The following TPP2 variants were observed in gnomAD, a reference collection of about 807,000 sequenced individuals.
TPP2 encodes tripeptidyl-peptidase 2.
A neutral mutation model predicts 155.9 loss-of-function variants in TPP2; 34 were observed. The ratio of observed to expected loss-of-function variants is 0.22; its 90% CI spans 0.17 to 0.29. The LOEUF (loss-of-function observed/expected upper bound fraction) is 0.29, where lower values mean the gene tolerates loss of function less well. TPP2 is among the 10% of genes least tolerant of loss of function. The probability of loss-of-function intolerance (pLI) is 1.00; values close to 1 mark genes in which losing one functional copy is unlikely to be tolerated. For synonymous variants in TPP2, 510 were observed against 529.4 expected (o/e 0.96, Z 0.50); for missense variants, 1,028 against 1,522.3 (o/e 0.68, Z 5.40).
chr13:102,606,404 G>A (rs1387260356), intron 2 of TPP2, among the ~76,000 whole-genome samples: 1 of 152,084 alleles, frequency 6.6e-6, no homozygotes, highest in African/African-American at 2.4e-5. Flanking sequence ...GCTTTTTGTG[G>A]GTCTCTGCTC....
Position 102,663,726 on chromosome 13 carries a change from T to C in TPP2, c.3222T>C (p.His1074=), listed in dbSNP as rs147337260. Residue 1074 remains histidine, a synonymous_variant, in exon 26 of 30, where the codon CAT becomes CAC. Coordinates refer to ENST00000376052, the MANE Select transcript of TPP2 (RefSeq NM_001330588.2). ...NYLPLYVARL[H]QLDAEKERMK... ...TTCCTCTGTACGTTGCACGACTTCATCAATTGGATGCTGAAAAGGTTAGAC... is the reference window on the plus strand; with the variant it reads ...TTCCTCTGTACGTTGCACGACTTCACCAATTGGATGCTGAAAAGGTTAGAC... 9.1e-5 allele frequency: 145 copies of C among 1,602,032 alleles called. No homozygotes were observed. The African/African-American group carries it at 1.8e-3, about 19-fold the overall frequency.
intron 11 of TPP2, 37 bp from the exon 12 acceptor site, chr13:102,635,550 G>C: frequency 6.6e-7 from 1 of 1,507,224 alleles, no homozygotes; most frequent in Non-Finnish European, 9.2e-7. Context: ...TTCAGATAGT[G>C]AGTGCTACAC....
At chr13:102,670,888 T>C (rs967490891) in intron 27 of TPP2, among the ~76,000 whole-genome samples, 1 of 152,224 alleles carries the variant, frequency 6.6e-6, no homozygotes. Flanking sequence ...GGTGCTATGA[T>C]TAAACCTCTT....
chr13:102,597,673 T>C (rs753829814), intron 1 of TPP2, among the ~76,000 whole-genome samples: 3 of 149,042 alleles, frequency 2.0e-5, no homozygotes, highest in South Asian at 2.1e-4. Context: ...GCTTTTATCA[T>C]TGGGGTGGGG....
intron 16 of TPP2, among the ~76,000 whole-genome samples, chr13:102,641,596 C>G (rs1377302040): frequency 6.6e-6 from 1 of 151,894 alleles, no homozygotes; most frequent in African/African-American, 2.4e-5. Context: ...GTATTTGGTT[C>G]CCCATACCAT....
At chr13:102,654,965 C>G in intron 24 of TPP2, 1 of 505,450 alleles carries the variant, frequency 2.0e-6, no homozygotes, top group Non-Finnish European at 3.9e-6. Flanking sequence ...AAGAGCTAGC[C>G]CAAGCAATAG....
chr13:102,648,431 TG>T (rs1883275777), intron 21 of TPP2, among the ~76,000 whole-genome samples: 1 of 36,134 alleles, frequency 2.8e-5, no homozygotes, highest in African/African-American at 1.7e-4. Flanking sequence ...AAGTTACACG[TG>T]TGTGTGTGTG....
intron 25 of TPP2, among the ~76,000 whole-genome samples, chr13:102,662,612 A>G (rs1029326639): frequency 3.9e-5 from 6 of 152,182 alleles, no homozygotes; most frequent in African/African-American, 1.2e-4. Context: ...GAAAAACAGG[A>G]CTTAATTTTT....
intron 10 of TPP2, among the ~76,000 whole-genome samples, chr13:102,630,890 A>G (rs560181713): frequency 6.6e-6 from 1 of 152,360 alleles, no homozygotes; most frequent in South Asian, 2.1e-4. Flanking sequence ...TTAGTTCAGC[A>G]AATACCTTAG....
At chr13:102,611,318 C>T (rs1880297786) in intron 2 of TPP2, among the ~76,000 whole-genome samples, 1 of 152,116 alleles carries the variant, frequency 6.6e-6, no homozygotes, top group Non-Finnish European at 1.5e-5. Context: ...ACAGTTTTTC[C>T]AAGTGCGTGT....
Position 102,597,215 on chromosome 13 carries a change from C to T in TPP2, c.165+12C>T. On this transcript the variant is annotated intron_variant, in intron 1 of 29. Transcript: ENST00000376052. ...CTCCGGGCATGCAGGTGAGGCGGCC[C>T]CCGAGGGCCCGGGCGCGGGGGCGCG... 7.3e-7 allele frequency: 1 copy of T among 1,371,638 alleles called. No homozygotes were observed. The highest frequency in any genetic ancestry group is 9.4e-7 in the Non-Finnish European group (1 of 1,059,184). The allele number at this position is 1,371,638 out of a possible 1,614,324, so 85.0% of individuals were successfully genotyped here.
chr13:102,674,576 A>G (rs1885183845), intron 28 of TPP2, 86 bp downstream of exon 28: 4 of 1,351,638 alleles, frequency 3.0e-6, no homozygotes, highest in Non-Finnish European at 4.1e-6. Context: ...TAAAAGAGGA[A>G]GAAGATAAAT....
At chr13:102,638,162 G>C (rs1316613515) in intron 14 of TPP2, 77 bp from the exon 15 acceptor site, 2 of 1,323,834 alleles carry the variant, frequency 1.5e-6, no homozygotes, top group African/African-American at 1.5e-5. Flanking sequence ...GATTTATTCT[G>C]TCAGTAGTTT....
chr13:102,598,066 A>G (rs898227126), intron 1 of TPP2, among the ~76,000 whole-genome samples: 2 of 152,214 alleles, frequency 1.3e-5, no homozygotes, highest in African/African-American at 4.8e-5. Context: ...CTGTAGATTC[A>G]AGGTATCATA....
chr13:102,676,544 G>C, intron 29 of TPP2, 129 bp downstream of exon 29: 2 of 1,112,702 alleles, frequency 1.8e-6, no homozygotes, highest in Non-Finnish European at 2.6e-6. Flanking sequence ...ACAGTAATTA[G>C]CGTAATATGA....
chr13:102,610,890 C>T (rs141218108), intron 2 of TPP2, among the ~76,000 whole-genome samples: 2 of 152,118 alleles, frequency 1.3e-5, no homozygotes, highest in East Asian at 1.9e-4. Context: ...AGAGTATTGC[C>T]GTACATCAGA....
chr13:102,612,717 A>G (rs1490643445), intron 2 of TPP2, among the ~76,000 whole-genome samples: 1 of 152,214 alleles, frequency 6.6e-6, no homozygotes, highest in Non-Finnish European at 1.5e-5. Context: ...TTTGAGAAGT[A>G]TCTGGTTCCA....
intron 29 of TPP2, among the ~76,000 whole-genome samples, chr13:102,677,318 C>G (rs971726741): frequency 6.6e-6 from 1 of 152,070 alleles, no homozygotes; most frequent in African/African-American, 2.4e-5. Context: ...GCCAGTGATC[C>G]CTGCCGACGT....
intron 5 of TPP2, among the ~76,000 whole-genome samples, chr13:102,622,108 G>A (rs1290253065): frequency 1.3e-5 from 2 of 152,098 alleles, no homozygotes; most frequent in African/African-American, 2.4e-5. Flanking sequence ...CAGTATTTAT[G>A]ATAAATCATC....
Sources: allele counts gnomAD v4.1 joint callset (sites outside exome capture counted in the v4.1 genomes callset), GRCh38; gene constraint gnomAD v4.1.1; transcripts MANE v1.5; gene names NCBI Gene and HGNC (gene_info 2026-07-23, HGNC 2026-07-21).